Variants in PRUNE1 observed in about 807,000 individuals in gnomAD.
PRUNE1 encodes the protein prune exopolyphosphatase 1, also known as exopolyphosphatase PRUNE1.
PRUNE1 carries 25 observed loss-of-function variants against 42.5 expected under a neutral mutation model. That is an observed-to-expected ratio of 0.59 (90% CI 0.43 to 0.82). The LOEUF is 0.82. Among genes scored for constraint, PRUNE1 ranks in the 40% least tolerant of loss-of-function variants. PRUNE1 has a pLI of 0.00. For synonymous variants in PRUNE1, 203 were observed against 217.1 expected, an observed-to-expected ratio of 0.93 and a Z score of 0.57; for missense variants, 443 against 539.3, an observed-to-expected ratio of 0.82 and a Z score of 1.77.
chr1:151,026,954 C>A (rs1176374427), intron 5 of PRUNE1, among the ~76,000 whole-genome samples: 1 of 149,736 alleles, frequency 6.7e-6, no homozygotes, highest in Non-Finnish European at 1.5e-5. Context: ...CCAGCTAATT[C>A]TTTGTATTTT....
chr1:151,021,968 C>CT (rs112739593), intron 3 of PRUNE1, among the ~76,000 whole-genome samples: 3,587 of 140,228 alleles, frequency 0.026, 101 homozygotes, highest in African/African-American at 0.087. Flanking sequence ...GTGCCACCAC[C>CT]TTTTTTTTTT....
chr1:151,028,349 C>T (rs1289388660), intron 6 of PRUNE1, among the ~76,000 whole-genome samples: 1 of 152,150 alleles, frequency 6.6e-6, no homozygotes. Flanking sequence ...AAGTAATTCT[C>T]CTGCCTCAGC....
At chr1:151,019,836 A>AT (rs901820371) in intron 3 of PRUNE1, among the ~76,000 whole-genome samples, 11 of 145,282 alleles carry the variant, frequency 7.6e-5, no homozygotes, top group African/African-American at 1.3e-4. Context: ...TTAATTAATT[A>AT]TTTTTTTTTG....
intron 7 of PRUNE1, 72 bp from the exon 8 acceptor site, chr1:151,033,734 C>G: frequency 7.0e-7 from 1 of 1,428,710 alleles, no homozygotes; most frequent in South Asian, 1.3e-5. Context: ...TAGAGGAAGC[C>G]TCTCACTTAG....
At chr1:151,011,581 GTC>G (rs368929023) in intron 1 of PRUNE1, among the ~76,000 whole-genome samples, 23 of 152,116 alleles carry the variant, frequency 1.5e-4, no homozygotes, top group African/African-American at 5.5e-4. Context: ...CTGGCTTTCT[GTC>G]TCGTTTATTT....
At chr1:151,029,855 C>T (rs1329490954) in intron 7 of PRUNE1, among the ~76,000 whole-genome samples, 1 of 152,094 alleles carries the variant, frequency 6.6e-6, no homozygotes, top group Non-Finnish European at 1.5e-5. Context: ...ATTAATTATT[C>T]TGTATAGTGC....
chr1:151,027,891 T>C (rs587749691), intron 6 of PRUNE1, among the ~76,000 whole-genome samples: 20 of 152,272 alleles, frequency 1.3e-4, no homozygotes, highest in South Asian at 1.0e-3. Flanking sequence ...TCTGGGATTA[T>C]AGGCGTGAGC....
chr1:151,022,284 A>AT (rs1484201445), intron 3 of PRUNE1, among the ~76,000 whole-genome samples: 1 of 143,220 alleles, frequency 7.0e-6, no homozygotes, highest in African/African-American at 2.6e-5. Context: ...AATTTTTTGT[A>AT]TTTTTAGTAG....
intron 7 of PRUNE1, among the ~76,000 whole-genome samples, 159 bp from the exon 8 acceptor site, chr1:151,033,647 C>G (rs925222420): frequency 3.3e-5 from 5 of 151,988 alleles, no homozygotes; most frequent in Admixed American, 3.3e-4. Flanking sequence ...GCCTCGGCCT[C>G]CCAAAGTGCT....
At chr1:151,009,228 C>T (rs147336645) in intron 1 of PRUNE1, among the ~76,000 whole-genome samples, 251 of 152,278 alleles carry the variant, frequency 1.6e-3, no homozygotes, top group Non-Finnish European at 2.9e-3. Context: ...TACTTTAAGT[C>T]AGTGTTTTTA....
Position 151,027,233 on chromosome 1 carries a change from G to A in PRUNE1, c.680G>A (p.Gly227Glu). Residue 227 changes from glycine to glutamate, a missense_variant and splice_region_variant, in exon 6 of 8, where the codon GGA (glycine) becomes GAA (glutamate). Coordinates refer to ENST00000271620, the MANE Select transcript of PRUNE1 (RefSeq NM_021222.3). The part of the protein sequence containing the change: ...SLQKAKFDVS[G>E]LTTEQMLRKD... ...CCCTAGTCTCTCATCTGCTTTCTAG[G>A]ACTGACCACTGAGCAGATGCTGAGA... 1 of 1,605,134 alleles carries A rather than the reference G, an allele frequency of 6.2e-7. No individual in the cohort carries two copies. Among genetic ancestry groups the A allele is most frequent in the Non-Finnish European group, 8.5e-7 (1 of 1,172,146 alleles).
Position 151,028,912 on chromosome 1 carries a change from A to G in PRUNE1, c.901A>G (p.Ile301Val), listed in dbSNP as rs1558088029. 2 of 1,613,646 alleles carry G rather than the reference A, an allele frequency of 1.2e-6. No homozygotes were observed. The highest frequency in any genetic ancestry group is 2.2e-5 in the East Asian group (1 of 44,870). ...CAATGAGCCAGTGCGGCAGTTGGCT[A>G]TTTTCTGTCCCCATGTGGCACTCCA... ...THNEPVRQLA[I>V]FCPHVALQTT... Residue 301 changes from isoleucine to valine, a missense_variant, in exon 7 of 8, where the codon ATT becomes GTT. Transcript: ENST00000271620.
chr1:151,008,966 G>A (rs1673557708), intron 1 of PRUNE1: 2 of 564,082 alleles, frequency 3.5e-6, no homozygotes, highest in Middle Eastern at 2.7e-4. Context: ...TCTGCTTGCT[G>A]TCATCTTGGT....
chr1:151,027,781 T>TGTGTGTGTGCGCGC (rs764369341), intron 6 of PRUNE1, among the ~76,000 whole-genome samples: 3 of 142,530 alleles, frequency 2.1e-5, no homozygotes, highest in African/African-American at 8.0e-5. Context: ...TGTGTGTGTG[T>TGTGTGTGTGCGCGC]GCGCGCGCGT....
At chr1:151,033,580 C>T (rs1393671579) in intron 7 of PRUNE1, among the ~76,000 whole-genome samples, 2 of 151,002 alleles carry the variant, frequency 1.3e-5, no homozygotes, top group East Asian at 2.0e-4. Flanking sequence ...TTAGTAGAGA[C>T]GGGGTTTCAC....
chr1:151,014,890 C>G (rs1211969021), intron 1 of PRUNE1, among the ~76,000 whole-genome samples: 1 of 152,128 alleles, frequency 6.6e-6, no homozygotes, highest in African/African-American at 2.4e-5. Context: ...AGGACAGCCT[C>G]CACAAAAAAA....
At chr1:151,019,038 G>A (rs1218455298) in intron 3 of PRUNE1, among the ~76,000 whole-genome samples, 4 of 152,034 alleles carry the variant, frequency 2.6e-5, no homozygotes, top group South Asian at 2.1e-4. Flanking sequence ...GCCAGACTCC[G>A]TCTCAAAAAA....
At chr1:151,019,353 T>G (rs116071835) in intron 3 of PRUNE1, among the ~76,000 whole-genome samples, 2,796 of 151,622 alleles carry the variant, frequency 0.018, 101 homozygotes, top group African/African-American at 0.065. Flanking sequence ...GCTCCAGGAG[T>G]TCAAGACCCG....
At position 151,025,644 on chromosome 1, in the gene PRUNE1, C is replaced by T; in HGVS notation, c.650C>T (p.Ser217Phe). 6.2e-7 allele frequency: 1 copy of T among 1,613,718 alleles called. No homozygotes were observed. The change falls in exon 5 of 8, where the codon TCC (serine) becomes TTC (phenylalanine). Residue 217 changes from serine to phenylalanine, a missense_variant. Coordinates refer to ENST00000271620, the MANE Select transcript of PRUNE1 (RefSeq NM_021222.3). Reference sequence around the variant, plus strand: ...CCCAAGAGAAATGATATATTTGATTCCCTACAAAAGGCAAAGTTTGATGTA... The same window carrying T: ...CCCAAGAGAAATGATATATTTGATTTCCTACAAAAGGCAAAGTTTGATGTA... Reference protein sequence around the residue: ...DLPKRNDIFDSLQKAKFDVSG... With the variant: ...DLPKRNDIFDFLQKAKFDVSG...
Sources: allele counts gnomAD v4.1 joint callset (sites outside exome capture counted in the v4.1 genomes callset), GRCh38; gene constraint gnomAD v4.1.1; transcripts MANE v1.5; gene names NCBI Gene and HGNC (gene_info 2026-07-23, HGNC 2026-07-21).